The following DLGAP2 variants were observed in gnomAD, a reference collection of about 807,000 sequenced individuals.
DLGAP2 encodes disks large-associated protein 2.
In DLGAP2, 26 loss-of-function variants were observed where a neutral mutation model predicts 100.3. That is an observed-to-expected ratio of 0.26 (90% confidence interval 0.19 to 0.36). DLGAP2 has a LOEUF of 0.36. DLGAP2 is among the 10% of genes least tolerant of loss of function. The pLI, the probability that DLGAP2 is intolerant of heterozygous loss-of-function variation, is 1.00. For synonymous variants in DLGAP2, 886 were observed against 630.1 expected, an observed-to-expected ratio of 1.41 and a Z score of -6.08; for missense variants, 1,858 against 1,453.2, an observed-to-expected ratio of 1.28 and a Z score of -4.53.
At chr8:815,598 C>G (rs545324487) in intron 1 of DLGAP2, among the ~76,000 whole-genome samples, 1 of 152,106 alleles carries the variant, frequency 6.6e-6, no homozygotes, top group Non-Finnish European at 1.5e-5. Flanking sequence ...CAGCAAAATC[C>G]TAAACAACTT....
chr8:1,327,248 C>G (rs921533317), intron 3 of DLGAP2, among the ~76,000 whole-genome samples: 1 of 152,218 alleles, frequency 6.6e-6, no homozygotes, highest in African/African-American at 2.4e-5. Flanking sequence ...AGTGACCAAC[C>G]AGGGTCCCTT....
chr8:1,258,115 C>T (rs6994931), intron 2 of DLGAP2, among the ~76,000 whole-genome samples: 1 of 152,186 alleles, frequency 6.6e-6, no homozygotes, highest in African/African-American at 2.4e-5. Context: ...GACCTACATA[C>T]AGGGGACTCA....
rs1563061972 is a variant in DLGAP2 at position 848,950 on chromosome 8, CGGTGCCTGTTCCAGCATAGGATCGTGA to C, written c.19-58920_19-58894del. Among the ~76,000 whole-genome samples the C allele has an allele frequency of 3.7e-3, 466 of 126,112 alleles. 2 individuals carry two copies. The highest frequency in any genetic ancestry group is 0.011 in the African/African-American group (424 of 37,860). 82.7% of individuals were successfully genotyped at this position (126,112 alleles called of 152,430 possible). ...GTGCCTGTTCCAGCATAGGAACGCGCGGTGCCTGTTCCAGCATAGGATCGTGAGGTGCCTGTTCCAGCATAGGATCGT... is the reference window on the plus strand; with the variant it reads ...GTGCCTGTTCCAGCATAGGAACGCGCGGTGCCTGTTCCAGCATAGGATCGT... On this transcript the variant is annotated intron_variant, in intron 1 of 14. Transcript: ENST00000637795.
chr8:1,593,598 C>G (rs1796356089), intron 6 of DLGAP2, among the ~76,000 whole-genome samples: 1 of 152,178 alleles, frequency 6.6e-6, no homozygotes, highest in Non-Finnish European at 1.5e-5. Flanking sequence ...CCTGGCACAG[C>G]ACCCTACAAT....
chr8:950,622 C>CT (rs34631994), intron 2 of DLGAP2, among the ~76,000 whole-genome samples: 2,296 of 130,460 alleles, frequency 0.018, 30 homozygotes, highest in South Asian at 0.058. Flanking sequence ...TTTTCTTTTT[C>CT]TTTTTTTTTT....
chr8:996,907 A>T (rs1215070100), intron 2 of DLGAP2, among the ~76,000 whole-genome samples: 1 of 152,216 alleles, frequency 6.6e-6, no homozygotes, highest in Non-Finnish European at 1.5e-5. Flanking sequence ...CACAAGTCAC[A>T]CTGTGACTCA....
intron 6 of DLGAP2, among the ~76,000 whole-genome samples, chr8:1,617,254 T>C (rs1797185544): frequency 6.6e-6 from 1 of 152,240 alleles, no homozygotes; most frequent in African/African-American, 2.4e-5. Flanking sequence ...ATAATGGGAT[T>C]GCTGGGTCAG....
At position 1,680,003 on chromosome 8, in the gene DLGAP2, AG is replaced by A. The variant is rs1421039505; in HGVS notation, c.2704+1375del. Among the ~76,000 whole-genome samples, 105 of 150,002 alleles carry A rather than the reference AG, an allele frequency of 7.0e-4. 1 individual carries two copies. Among genetic ancestry groups the A allele is most frequent in the South Asian group, 6.2e-3 (29 of 4,710 alleles). ...TCAAAAAAAAAAAAAAAAAAAAAAA[AG>A]AGCTCAGAAGCAGCACCCATTATAA... On this transcript the variant is annotated intron_variant, in intron 12 of 14. Coordinates refer to ENST00000637795, the MANE Select transcript of DLGAP2 (RefSeq NM_001346810.2).
chr8:1,453,675 A>T (rs1270835463), intron 3 of DLGAP2, among the ~76,000 whole-genome samples: 1 of 152,154 alleles, frequency 6.6e-6, no homozygotes, highest in Non-Finnish European at 1.5e-5. Flanking sequence ...CGAACTCTCT[A>T]CCTGGGCCTG....
chr8:1,183,935 G>A (rs1028075948), intron 2 of DLGAP2, among the ~76,000 whole-genome samples: 41 of 152,282 alleles, frequency 2.7e-4, no homozygotes, highest in Admixed American at 5.9e-4. Flanking sequence ...TAATCATTGC[G>A]TGATTATTAC....
intron 2 of DLGAP2, among the ~76,000 whole-genome samples, chr8:1,109,163 T>C (rs1804875877): frequency 2.5e-5 from 2 of 78,670 alleles, no homozygotes; most frequent in Non-Finnish European, 4.9e-5. Flanking sequence ...TGTGCACGGG[T>C]CTGTGAGGTG....
At chr8:1,422,449 C>G (rs572435924) in intron 3 of DLGAP2, among the ~76,000 whole-genome samples, 2 of 151,948 alleles carry the variant, frequency 1.3e-5, no homozygotes, top group African/African-American at 4.8e-5. Context: ...GCGAGGATCA[C>G]TAAGAGCAAG....
intron 2 of DLGAP2, among the ~76,000 whole-genome samples, chr8:1,095,247 G>C (rs1563188648): frequency 6.6e-6 from 1 of 152,196 alleles, no homozygotes. Context: ...GGCCCTCATA[G>C]TTGCGTTAGG....
intron 2 of DLGAP2, among the ~76,000 whole-genome samples, chr8:1,076,056 A>G (rs1803598009): frequency 1.3e-5 from 2 of 152,192 alleles, no homozygotes; most frequent in Admixed American, 6.5e-5. Context: ...AGGAATTCAT[A>G]CTACTAGCAA....
At chr8:1,215,151 G>A (rs559926969) in intron 2 of DLGAP2, among the ~76,000 whole-genome samples, 4 of 152,290 alleles carry the variant, frequency 2.6e-5, no homozygotes, top group African/African-American at 9.6e-5. Flanking sequence ...GGGGAGAATT[G>A]ACAAAAGTCA....
intron 3 of DLGAP2, among the ~76,000 whole-genome samples, chr8:1,465,928 G>T (rs1442965393): frequency 1.3e-5 from 2 of 152,202 alleles, no homozygotes; most frequent in African/African-American, 4.8e-5. Context: ...GCCGGGAAAG[G>T]TCCCTGCCTT....
chr8:843,498 G>T (rs1797019192), intron 1 of DLGAP2, among the ~76,000 whole-genome samples: 1 of 152,210 alleles, frequency 6.6e-6, no homozygotes, highest in South Asian at 2.1e-4. Flanking sequence ...TGTGGAGTGG[G>T]CACCACGGCC....
intron 1 of DLGAP2, among the ~76,000 whole-genome samples, chr8:776,459 A>G (rs1821518394): frequency 6.6e-6 from 1 of 151,878 alleles, no homozygotes; most frequent in South Asian, 2.1e-4. Context: ...TCAATTTTGG[A>G]TCTTTCCTGC....
intron 3 of DLGAP2, among the ~76,000 whole-genome samples, chr8:1,287,658 G>GTGTATGGTTCTGTTAGGAGGGGA (rs1563062638): frequency 9.8e-6 from 1 of 101,832 alleles, no homozygotes; most frequent in East Asian, 2.9e-4. Context: ...GTGTGTGTGT[G>GTGTATGGTTCTGTTAGGAGGGGA]TATGGTTCTG....
Sources: gnomAD v4.1 joint callset for allele counts (sites outside exome capture counted in the v4.1 genomes callset) on GRCh38, gnomAD v4.1.1 for gene constraint, MANE v1.5 for transcripts, NCBI Gene and HGNC (gene_info 2026-07-23, HGNC 2026-07-21) for gene names.